MAP4K3: variants seen among roughly 807,000 people sequenced by gnomAD.
The protein encoded by MAP4K3 is MAPK/ERK kinase kinase kinase 3.
A neutral mutation model predicts 143.5 loss-of-function variants in MAP4K3; 94 were observed. The ratio of observed to expected loss-of-function variants is 0.65; its 90% CI spans 0.55 to 0.78. The LOEUF (loss-of-function observed/expected upper bound fraction) is 0.78. Ranked by LOEUF, MAP4K3 falls within the 30% of genes least tolerant of loss-of-function variation. The probability of loss-of-function intolerance (pLI) is 0.00; values close to 1 mark genes in which losing one functional copy is unlikely to be tolerated. For missense variants in MAP4K3, 1,077 were observed against 1,068.1 expected (o/e 1.01, Z -0.12); for synonymous variants, 416 against 347.2 (o/e 1.20, Z -2.20).
intron 1 of MAP4K3, among the ~76,000 whole-genome samples, chr2:39,378,472 G>A (rs1666278544): frequency 6.6e-6 from 1 of 152,066 alleles, no homozygotes; most frequent in South Asian, 2.1e-4. Context: ...AAAGGACATA[G>A]AACTCAAAAG....
At chr2:39,410,499 T>C (rs1667206354) in intron 1 of MAP4K3, among the ~76,000 whole-genome samples, 1 of 152,212 alleles carries the variant, frequency 6.6e-6, no homozygotes, top group South Asian at 2.1e-4. Context: ...TAACAAACTC[T>C]ACTGAAAACC....
At chr2:39,411,549 A>G (rs1306948195) in intron 1 of MAP4K3, among the ~76,000 whole-genome samples, 2 of 152,334 alleles carry the variant, frequency 1.3e-5, no homozygotes, top group East Asian at 1.9e-4. Context: ...TCTTTGCTAG[A>G]CGATTAAACT....
intron 1 of MAP4K3, among the ~76,000 whole-genome samples, chr2:39,390,591 G>C (rs982372042): frequency 6.6e-6 from 1 of 152,140 alleles, no homozygotes; most frequent in Non-Finnish European, 1.5e-5. Flanking sequence ...ATTTCAGCAA[G>C]AGGCACTGGA....
chr2:39,396,083 C>T (rs542087190), intron 1 of MAP4K3, among the ~76,000 whole-genome samples: 3 of 152,252 alleles, frequency 2.0e-5, no homozygotes, highest in Admixed American at 6.5e-5. Flanking sequence ...GTTGCACCAG[C>T]TGGAATGTAG....
At chr2:39,378,273 C>T (rs577006936) in intron 1 of MAP4K3, 150 bp from the exon 2 acceptor site, 3 of 568,418 alleles carry the variant, frequency 5.3e-6, no homozygotes, top group African/African-American at 2.0e-5. Flanking sequence ...ATAGTTTTTC[C>T]TTCACAATAA....
chr2:39,410,079 G>T (rs149194607), intron 1 of MAP4K3, among the ~76,000 whole-genome samples: 21 of 152,214 alleles, frequency 1.4e-4, no homozygotes, highest in Non-Finnish European at 2.8e-4. Context: ...ACGTTTTTCT[G>T]ACTACAGCGA....
At chr2:39,330,907 T>C (rs549696145) in intron 8 of MAP4K3, among the ~76,000 whole-genome samples, 113 of 152,224 alleles carry the variant, frequency 7.4e-4, no homozygotes, top group African/African-American at 2.6e-3. Context: ...GATAAGATGA[T>C]TGAAAGATGA....
At chr2:39,341,014 C>A (rs2888594) in intron 4 of MAP4K3, among the ~76,000 whole-genome samples, 1 of 151,948 alleles carries the variant, frequency 6.6e-6, no homozygotes, top group African/African-American at 2.4e-5. Context: ...TATTTGAAGA[C>A]ATAATAATTG....
At chr2:39,286,352 C>G (rs1326400211) in intron 21 of MAP4K3, among the ~76,000 whole-genome samples, 1 of 152,202 alleles carries the variant, frequency 6.6e-6, no homozygotes, top group Admixed American at 6.5e-5. Flanking sequence ...GCTGTGTGGC[C>G]TGGTTCCTAA....
At position 39,288,974 on chromosome 2, in the gene MAP4K3, T is replaced by C. The variant is rs1318261020; in HGVS notation, c.1315-694A>G. Among the ~76,000 whole-genome samples, 6 of 152,100 alleles carry C rather than the reference T, an allele frequency of 3.9e-5. No homozygotes were observed. The South Asian group carries it at 6.2e-4, about 16-fold the overall frequency. On this transcript the variant is annotated intron_variant, in intron 19 of 33. Transcript: ENST00000263881. ...GGCTGAGGCAGGAGAATGGCATGAA[T>C]CCGGGAGGCGTAGCTTGCAGTGAGC...
In MAP4K3 at chr2:39,343,458, A is replaced by C; in HGVS notation, c.246-6T>G. 6.2e-7 allele frequency: 1 copy of C among 1,610,190 alleles called. No individual in the cohort carries two copies. Among genetic ancestry groups the C allele is most frequent in the Non-Finnish European group, 8.5e-7 (1 of 1,177,258 alleles). Reference sequence around the variant, plus strand: ...AAATCCAAAGCTTATCTCGCCTATAAAGAGAAAAGAAGCATGTATCATATT... The same window carrying C: ...AAATCCAAAGCTTATCTCGCCTATACAGAGAAAAGAAGCATGTATCATATT... On this transcript the variant is annotated splice_region_variant and splice_polypyrimidine_tract_variant and intron_variant, in intron 3 of 33. Transcript: ENST00000263881.
At chr2:39,346,944 A>C (rs1345352288) in intron 3 of MAP4K3, among the ~76,000 whole-genome samples, 1 of 151,986 alleles carries the variant, frequency 6.6e-6, no homozygotes, top group Non-Finnish European at 1.5e-5. Context: ...TGATCTCTAT[A>C]GGTTAGTTGA....
intron 1 of MAP4K3, among the ~76,000 whole-genome samples, chr2:39,428,309 G>T (rs1042807648): frequency 6.6e-6 from 1 of 152,274 alleles, no homozygotes; most frequent in South Asian, 2.1e-4. Flanking sequence ...CAAAAGCTGT[G>T]AGTTTTGCAA....
chr2:39,388,494 C>A (rs1233625814), intron 1 of MAP4K3, among the ~76,000 whole-genome samples: 2 of 152,186 alleles, frequency 1.3e-5, no homozygotes, highest in East Asian at 3.9e-4. Flanking sequence ...CAAGCCATGG[C>A]CTTAGATTAA....
intron 12 of MAP4K3, among the ~76,000 whole-genome samples, chr2:39,317,561 A>G (rs1486063076): frequency 6.6e-6 from 1 of 152,092 alleles, no homozygotes; most frequent in Non-Finnish European, 1.5e-5. Flanking sequence ...TAAATTAACA[A>G]GCAAAAAACA....
At chr2:39,346,219 G>A (rs1258135165) in intron 3 of MAP4K3, among the ~76,000 whole-genome samples, 1 of 152,048 alleles carries the variant, frequency 6.6e-6, no homozygotes, top group Non-Finnish European at 1.5e-5. Flanking sequence ...TTTGATCACT[G>A]TATTTCTATT....
Position 39,260,667 on chromosome 2 carries a change from G to A in MAP4K3, c.2247C>T (p.Asn749=), listed in dbSNP as rs757253436. 19 of 1,614,046 alleles carry A rather than the reference G, an allele frequency of 1.2e-5. 1 individual carries two copies. In the South Asian group the frequency reaches 2.1e-4, roughly 18 times the overall value. Residue 749 remains asparagine, a synonymous_variant, in exon 29 of 34, where the codon AAC becomes AAT. Transcript: ENST00000263881. ...TGACCGTCTCAAATCGAACCACTTG[G>A]TTGAAGTCTCTACCTCTACTGACAC... ...CVGVSRGRDF[N]QVVRFETVNP... is the part of the protein sequence containing the mutation.
chr2:39,372,578 T>C (rs1666111865), intron 2 of MAP4K3, among the ~76,000 whole-genome samples: 1 of 150,736 alleles, frequency 6.6e-6, no homozygotes, highest in African/African-American at 2.4e-5. Context: ...AGCATGCTGC[T>C]GGAAAAACAG....
chr2:39,345,845 C>T (rs1232346541), intron 3 of MAP4K3, among the ~76,000 whole-genome samples: 1 of 147,326 alleles, frequency 6.8e-6, no homozygotes, highest in African/African-American at 2.5e-5. Flanking sequence ...TGGCATGAAC[C>T]CGGGAGGCGG....
Sources: allele counts gnomAD v4.1 joint callset (sites outside exome capture counted in the v4.1 genomes callset), GRCh38; gene constraint gnomAD v4.1.1; transcripts MANE v1.5; gene names NCBI Gene and HGNC (gene_info 2026-07-23, HGNC 2026-07-21).